ST3GAL1: variants seen among roughly 807,000 people sequenced by gnomAD.
ST3GAL1 encodes the protein CMP-N-acetylneuraminate-beta-galactosamide-alpha-2,3-sialyltransferase 1.
Under a neutral mutation model 34.1 loss-of-function variants are expected in ST3GAL1, and 16 were observed. The ratio of observed to expected loss-of-function variants is 0.47; its 90% CI spans 0.32 to 0.71. The LOEUF (loss-of-function observed/expected upper bound fraction) is 0.71. ST3GAL1 is among the 30% of genes least tolerant of loss of function. ST3GAL1 has a pLI of 0.04. For synonymous variants in ST3GAL1, 191 were observed against 184.7 expected, an observed-to-expected ratio of 1.03 and a Z score of -0.28; for missense variants, 353 against 447.4, an observed-to-expected ratio of 0.79 and a Z score of 1.90.
chr8:133,545,246 C>T (rs778749859), intron 2 of ST3GAL1, among the ~76,000 whole-genome samples: 7 of 152,256 alleles, frequency 4.6e-5, no homozygotes, highest in Non-Finnish European at 1.0e-4. Flanking sequence ...GGCTTTGCAG[C>T]CACACGGTCT....
At chr8:133,472,593 T>C (rs1326625650) in intron 5 of ST3GAL1, among the ~76,000 whole-genome samples, 1 of 152,260 alleles carries the variant, frequency 6.6e-6, no homozygotes, top group Non-Finnish European at 1.5e-5. Flanking sequence ...AGATATTCCA[T>C]GCCTGTATCC....
At chr8:133,557,810 C>T (rs776682514) in intron 1 of ST3GAL1, among the ~76,000 whole-genome samples, 75 of 149,952 alleles carry the variant, frequency 5.0e-4, no homozygotes, top group Non-Finnish European at 1.0e-3. Context: ...GAGGCTGAGG[C>T]AGGAGAATTG....
At chr8:133,546,763 C>T (rs1215875142) in intron 1 of ST3GAL1, among the ~76,000 whole-genome samples, 1 of 152,052 alleles carries the variant, frequency 6.6e-6, no homozygotes, top group East Asian at 1.9e-4. Context: ...CTTTGGGAGG[C>T]CAAGGTGGGC....
chr8:133,551,614 GAA>G (rs1399704277), intron 1 of ST3GAL1, among the ~76,000 whole-genome samples: 3 of 142,296 alleles, frequency 2.1e-5, no homozygotes, highest in East Asian at 2.1e-4. Flanking sequence ...AAGAAAGAAA[GAA>G]AGAGCGAGCA....
chr8:133,525,612 T>C (rs1341281313), intron 2 of ST3GAL1, among the ~76,000 whole-genome samples: 1 of 152,118 alleles, frequency 6.6e-6, no homozygotes, highest in Non-Finnish European at 1.5e-5. Flanking sequence ...AGGCTGTGCA[T>C]GCTGAGGGAC....
intron 2 of ST3GAL1, among the ~76,000 whole-genome samples, chr8:133,507,374 C>A (rs190385378): frequency 2.5e-4 from 38 of 152,256 alleles, no homozygotes; most frequent in Non-Finnish European, 3.8e-4. Flanking sequence ...ATCTTCCCCA[C>A]AACCCACGCC....
chr8:133,462,702 C>T (rs1282047294), intron 8 of ST3GAL1, among the ~76,000 whole-genome samples: 1 of 152,200 alleles, frequency 6.6e-6, no homozygotes, highest in Non-Finnish European at 1.5e-5. Flanking sequence ...GTAAACCATT[C>T]ACCTCTCAGT....
intron 1 of ST3GAL1, among the ~76,000 whole-genome samples, chr8:133,549,752 C>T (rs1246302735): frequency 3.9e-5 from 6 of 152,098 alleles, no homozygotes; most frequent in African/African-American, 7.2e-5. Flanking sequence ...CACCTGAGGT[C>T]GGAGGTTCGA....
intron 2 of ST3GAL1, among the ~76,000 whole-genome samples, chr8:133,522,939 T>C (rs987188454): frequency 1.3e-5 from 2 of 152,058 alleles, no homozygotes; most frequent in Non-Finnish European, 2.9e-5. Flanking sequence ...GCTAAGAAAA[T>C]GAGCACTGTG....
chr8:133,495,167 C>T (rs1008028653), intron 3 of ST3GAL1, among the ~76,000 whole-genome samples: 1 of 152,122 alleles, frequency 6.6e-6, no homozygotes, highest in African/African-American at 2.4e-5. Context: ...ATCCGCCTGC[C>T]TCAGCCTCCC....
In ST3GAL1 at chr8:133,556,460, C is replaced by T. The variant is rs1426580850; in HGVS notation, c.-581-10534G>A. Among the ~76,000 whole-genome samples, 1 of 152,202 alleles carries T rather than the reference C, an allele frequency of 6.6e-6. No homozygotes were observed. Among genetic ancestry groups the T allele is most frequent in the Non-Finnish European group, 1.5e-5 (1 of 68,046 alleles). ...GATGCTGGCAGGCTGTACAGCTGTC[C>T]TCTGGGCCCAGCATATATTGTTCTG... is the stretch of plus-strand genomic sequence containing the variant. On this transcript the variant is annotated intron_variant, in intron 1 of 9. Coordinates refer to ENST00000522652, the MANE Select transcript of ST3GAL1 (RefSeq NM_173344.3). The surrounding 1 kb of genome is among the most constrained non-coding windows in gnomAD (Gnocchi z 8.9).
chr8:133,564,983 T>G (rs1311829620), intron 1 of ST3GAL1, among the ~76,000 whole-genome samples: 3 of 152,222 alleles, frequency 2.0e-5, no homozygotes, highest in African/African-American at 7.2e-5. Flanking sequence ...TTACTAGGGC[T>G]GATAAGACAC....
intron 2 of ST3GAL1, among the ~76,000 whole-genome samples, chr8:133,510,059 CAAAAAAAAAAAA>C (rs61402942): frequency 8.3e-6 from 1 of 120,228 alleles, no homozygotes; most frequent in East Asian, 2.4e-4. Context: ...AACTCTGTCT[CAAAAAAAAAAAA>C]AAAAAAAATA....
rs1036153369 is a variant in ST3GAL1, at chr8:133,459,534, C to T, written c.*230G>A. ...CAGCTCTAGGGCAGCAGTGGGGGGACGTTGTCCCCACTCAAGACAGGTTCC... is the reference window on the plus strand; with the variant it reads ...CAGCTCTAGGGCAGCAGTGGGGGGATGTTGTCCCCACTCAAGACAGGTTCC... On this transcript the variant is annotated 3_prime_UTR_variant, in exon 10 of 10. Coordinates refer to ENST00000522652, the MANE Select transcript of ST3GAL1 (RefSeq NM_173344.3). This position sits in a 1 kb window ranked among gnomAD's most constrained non-coding sequence, Gnocchi z 4.7. 2.1e-5 allele frequency: 9 copies of T among 428,154 alleles called. No individual in the cohort carries two copies. The highest frequency in any genetic ancestry group is 4.1e-5 in the African/African-American group (2 of 48,874). The allele number at this position is 428,154 out of a possible 1,614,324, so 26.5% of individuals were successfully genotyped here. A position where few individuals can be genotyped will look rare whatever the true frequency, so the allele number is the denominator to read the frequency against.
intron 1 of ST3GAL1, among the ~76,000 whole-genome samples, chr8:133,555,999 T>C (rs1330550404): frequency 6.6e-6 from 1 of 152,168 alleles, no homozygotes; most frequent in Non-Finnish European, 1.5e-5. Flanking sequence ...GTTCAAGCAA[T>C]TCTCGTGCCT....
intron 2 of ST3GAL1, among the ~76,000 whole-genome samples, chr8:133,516,757 T>C (rs1219650420): frequency 2.0e-5 from 3 of 152,222 alleles, no homozygotes; most frequent in Non-Finnish European, 2.9e-5. Context: ...CTTACAACCC[T>C]CATAACTCTA....
chr8:133,458,209 C>A lies in ST3GAL1; in HGVS notation c.*1555G>T, dbSNP rs1220606662. The A allele has an allele frequency of 6.6e-6, 1 of 152,188 alleles. No homozygotes were observed. Among genetic ancestry groups the A allele is most frequent in the African/African-American group, 2.4e-5 (1 of 41,442 alleles). The allele number at this position is 152,188 out of a possible 1,614,324, so 9.4% of individuals were successfully genotyped here. A position where few individuals can be genotyped will look rare whatever the true frequency, so the allele number is the denominator to read the frequency against. ...GACTCCTACAAACCTCCCTTAAGCA[C>A]CCCCACCTAATTTCCCAGCTACTGG... On this transcript the variant is annotated 3_prime_UTR_variant, in exon 10 of 10. Coordinates refer to ENST00000522652, the MANE Select transcript of ST3GAL1 (RefSeq NM_173344.3).
At chr8:133,485,773 A>AAGAT (rs1563707353) in intron 3 of ST3GAL1, among the ~76,000 whole-genome samples, 1 of 151,742 alleles carries the variant, frequency 6.6e-6, no homozygotes, top group Admixed American at 6.6e-5. Context: ...TGCAACTGAA[A>AAGAT]AGAGAGGGTG....
intron 3 of ST3GAL1, among the ~76,000 whole-genome samples, chr8:133,497,483 T>C (rs1816994402): frequency 7.2e-6 from 1 of 139,262 alleles, no homozygotes; most frequent in South Asian, 2.4e-4. Flanking sequence ...TTTTTTTTTT[T>C]TTTGTGAGAC....
Sources: allele counts gnomAD v4.1 joint callset (sites outside exome capture counted in the v4.1 genomes callset), GRCh38; gene constraint gnomAD v4.1.1; non-coding constraint Gnocchi (gnomAD v3.1); transcripts MANE v1.5; gene names NCBI Gene and HGNC (gene_info 2026-07-23, HGNC 2026-07-21).